The following QTRT2 variants were observed in gnomAD, a reference collection of about 807,000 sequenced individuals.
QTRT2 encodes the protein queuine tRNA-ribosyltransferase accessory subunit 2.
Under a neutral mutation model 44.8 loss-of-function variants are expected in QTRT2, and 32 were observed. The observed-to-expected ratio is 0.71, with a 90% CI of 0.54 to 0.96. The LOEUF (loss-of-function observed/expected upper bound fraction) is 0.96, where lower values mean the gene tolerates loss of function less well. Among genes scored for constraint, QTRT2 ranks in the 40% least tolerant of loss-of-function variants. QTRT2 has a pLI of 0.00. For synonymous variants in QTRT2, 182 were observed against 187.4 expected (o/e 0.97, Z 0.24); for missense variants, 461 against 503.1 (o/e 0.92, Z 0.80).
At chr3:114,068,115 C>G in intron 5 of QTRT2, 52 bp downstream of exon 5, 1 of 1,441,984 alleles carries the variant, frequency 6.9e-7, no homozygotes. Context: ...AGGAAGTCAG[C>G]CTATGGTGTA....
intron 4 of QTRT2, 27 bp downstream of exon 4, chr3:114,066,310 CT>C (rs1559950748): frequency 1.5e-6 from 2 of 1,335,002 alleles, no homozygotes; most frequent in East Asian, 4.6e-5. Flanking sequence ...TTATATGTGC[CT>C]TGTGATGTGT....
chr3:114,065,158 A>AG, intron 2 of QTRT2, 79 bp from the exon 3 acceptor site: 1 of 857,804 alleles, frequency 1.2e-6, no homozygotes, highest in Non-Finnish European at 1.9e-6. Context: ...ATTTTCCTGA[A>AG]GATTTTTTTT....
At chr3:114,069,314 G>A (rs528949535) in intron 5 of QTRT2, among the ~76,000 whole-genome samples, 1 of 152,092 alleles carries the variant, frequency 6.6e-6, no homozygotes, top group African/African-American at 2.4e-5. Context: ...TGTCATGGGG[G>A]TTTGTTGTAC....
At chr3:114,082,204 C>CCACACACA (rs71146306) in intron 8 of QTRT2, among the ~76,000 whole-genome samples, 2,147 of 138,804 alleles carry the variant, frequency 0.015, 38 homozygotes, top group African/African-American at 0.028. Flanking sequence ...GATAACCCCA[C>CCACACACA]CACACACACA....
intron 2 of QTRT2, among the ~76,000 whole-genome samples, chr3:114,063,136 G>T (rs1242302139): frequency 6.6e-6 from 1 of 152,212 alleles, no homozygotes; most frequent in Non-Finnish European, 1.5e-5. Context: ...AAGAAATCTA[G>T]TGTTCCATAT....
chr3:114,074,107 G>T (rs1365358425), intron 6 of QTRT2, among the ~76,000 whole-genome samples: 1 of 152,224 alleles, frequency 6.6e-6, no homozygotes, highest in Non-Finnish European at 1.5e-5. Context: ...GTGGAATCAG[G>T]AGTAGAGAGT....
chr3:114,080,275 G>A (rs1357989103), intron 8 of QTRT2, among the ~76,000 whole-genome samples: 3 of 152,154 alleles, frequency 2.0e-5, no homozygotes, highest in African/African-American at 7.2e-5. Flanking sequence ...ATTTTATAGT[G>A]AAAAGAACCA....
intron 7 of QTRT2, 140 bp from the exon 8 acceptor site, chr3:114,079,766 C>A: frequency 2.9e-6 from 2 of 693,810 alleles, no homozygotes; most frequent in South Asian, 1.7e-5. Context: ...CTGCATGTTG[C>A]TGTCCACTGC....
In QTRT2 at chr3:114,085,964, G is replaced by A; in HGVS notation, c.*60G>A. 1 of 1,205,986 alleles carries A rather than the reference G, an allele frequency of 8.3e-7. No homozygotes were observed. Among genetic ancestry groups the A allele is most frequent in the Non-Finnish European group, 1.2e-6 (1 of 810,574 alleles). The allele number at this position is 1,205,986 out of a possible 1,614,324, so 74.7% of individuals were successfully genotyped here. The stretch of plus-strand genomic sequence containing the variant: ...AGCCTGTACCACTGTTGTAACATGG[G>A]AAGACGTGAAGAAGAAATAATCTGA... On this transcript the variant is annotated 3_prime_UTR_variant, in exon 10 of 10. Coordinates refer to ENST00000281273, the MANE Select transcript of QTRT2 (RefSeq NM_024638.4).
chr3:114,072,476 T>G (rs2077036953), intron 6 of QTRT2, among the ~76,000 whole-genome samples: 1 of 152,236 alleles, frequency 6.6e-6, no homozygotes, highest in South Asian at 2.1e-4. Context: ...AATTCATTCT[T>G]TGCTACCCCT....
At chr3:114,076,281 C>G (rs990675135) in intron 6 of QTRT2, among the ~76,000 whole-genome samples, 2 of 152,212 alleles carry the variant, frequency 1.3e-5, no homozygotes, top group Admixed American at 6.5e-5. Flanking sequence ...ACCCTCCCAC[C>G]TCAGCCTCCC....
chr3:114,073,418 C>T lies in QTRT2; in HGVS notation c.546+2580C>T, dbSNP rs143819736. Among the ~76,000 whole-genome samples the T allele has an allele frequency of 9.7e-4, 147 of 152,030 alleles. 4 individuals are homozygous for T. In the East Asian group the frequency reaches 0.016, roughly 16 times the overall value. ...TTTTGAGATGGAGTTTTGTTCTTGT[C>T]GCCCAGGCTGGAGTGCAGCGGTGCG... On this transcript the variant is annotated intron_variant, in intron 6 of 9. Transcript: ENST00000281273.
Position 114,065,308 on chromosome 3 carries a change from A to T in QTRT2, c.51A>T (p.Ile17=). 1 of 1,614,116 alleles carries T rather than the reference A, an allele frequency of 6.2e-7. No individual in the cohort carries two copies. Among genetic ancestry groups the T allele is most frequent in the Non-Finnish European group, 8.5e-7 (1 of 1,180,014 alleles). ...TTAATGGCTGTCGCCTAGGAAAAAT[A>T]AAAAACCTGGGCAAAACAGGGGACC... ...KVVNGCRLGK[I]KNLGKTGDHT... is the part of the protein sequence containing the mutation. The change falls in exon 3 of 10, where the codon ATA becomes ATT. Residue 17 remains isoleucine (I), a synonymous_variant. Transcript: ENST00000281273.
chr3:114,085,250 C>T (rs1368069134), intron 9 of QTRT2, among the ~76,000 whole-genome samples: 1 of 152,020 alleles, frequency 6.6e-6, no homozygotes, highest in African/African-American at 2.4e-5. Context: ...CTCTGTTGCC[C>T]AGGCTGGAGT....
intron 8 of QTRT2, among the ~76,000 whole-genome samples, chr3:114,081,139 C>G (rs1180830108): frequency 6.6e-6 from 1 of 152,178 alleles, no homozygotes; most frequent in Non-Finnish European, 1.5e-5. Context: ...TTTGAGTTCT[C>G]TGTAAAGAAC....
chr3:114,060,545 TAAGATAGATTAGA>T (rs1559946242), intron 2 of QTRT2, among the ~76,000 whole-genome samples: 23 of 142,376 alleles, frequency 1.6e-4, no homozygotes, highest in African/African-American at 6.2e-4. Context: ...GATAGATAGA[TAAGATAGATTAGA>T]TAGATAGATT....
rs1380153882 is a variant in QTRT2 at position 114,086,187 on chromosome 3, C to T, written c.*283C>T. ...AGATTCATTTAGTCAAAGACAAAAG[C>T]TTTAACTGTGAGGGCACAGCCTTGA... On this transcript the variant is annotated 3_prime_UTR_variant, in exon 10 of 10. Transcript: ENST00000281273. 1 of 370,992 alleles carries T rather than the reference C, an allele frequency of 2.7e-6. No homozygotes were observed. The highest frequency in any genetic ancestry group is 6.3e-5 in the East Asian group (1 of 15,904). The allele number at this position is 370,992 out of a possible 1,614,324, so 23.0% of individuals were successfully genotyped here. A position where few individuals can be genotyped will look rare whatever the true frequency, so the allele number is the denominator to read the frequency against.
intron 2 of QTRT2, among the ~76,000 whole-genome samples, chr3:114,059,722 G>C (rs1163608608): frequency 6.6e-6 from 1 of 152,090 alleles, no homozygotes; most frequent in African/African-American, 2.4e-5. Context: ...ACTGACCATG[G>C]CAGTTTATTT....
chr3:114,064,249 T>C (rs1221020995), intron 2 of QTRT2, among the ~76,000 whole-genome samples: 2 of 151,812 alleles, frequency 1.3e-5, no homozygotes, highest in Non-Finnish European at 1.5e-5. Context: ...GAAAAGAAAA[T>C]TGGATCCTCT....
Sources: allele counts gnomAD v4.1 joint callset (sites outside exome capture counted in the v4.1 genomes callset), GRCh38; gene constraint gnomAD v4.1.1; transcripts MANE v1.5; gene names NCBI Gene and HGNC (gene_info 2026-07-23, HGNC 2026-07-21).